The following SLC8A1 variants were observed in gnomAD, a reference collection of about 807,000 sequenced individuals.
The protein encoded by SLC8A1 is sodium/calcium exchanger 1.
A neutral mutation model predicts 68.3 loss-of-function variants in SLC8A1; 18 were observed. The ratio of observed to expected loss-of-function variants is 0.26; its 90% confidence interval spans 0.18 to 0.39. SLC8A1 has a LOEUF of 0.39. SLC8A1 is among the 10% of genes least tolerant of loss of function. The pLI is 1.00. For missense variants in SLC8A1, 985 were observed against 1,156.7 expected (o/e 0.85, Z 2.15); for synonymous variants, 475 against 415.5 (o/e 1.14, Z -1.74).
chr2:40,475,671 AATAT>A (rs1393566014), intron 1 of SLC8A1, among the ~76,000 whole-genome samples: 1 of 152,122 alleles, frequency 6.6e-6, no homozygotes, highest in Admixed American at 6.5e-5. Context: ...TGTTTATGTA[AATAT>A]ATAAATACAT....
chr2:40,209,058 AT>A (rs1344174136), intron 2 of SLC8A1: 1 of 152,140 alleles, frequency 6.6e-6, no homozygotes, highest in Non-Finnish European at 1.5e-5. Context: ...GAAAAAAAAA[AT>A]CCTTGTCCTG....
intron 2 of SLC8A1, among the ~76,000 whole-genome samples, chr2:40,404,567 T>A (rs575355203): frequency 5.3e-5 from 8 of 152,350 alleles, no homozygotes; most frequent in African/African-American, 1.4e-4. Flanking sequence ...ATTAAACTAA[T>A]GAATCATCAT....
At chr2:40,307,324 T>C (rs1420467041) in intron 2 of SLC8A1, among the ~76,000 whole-genome samples, 1 of 152,122 alleles carries the variant, frequency 6.6e-6, no homozygotes, top group Non-Finnish European at 1.5e-5. Flanking sequence ...TTGCATGATA[T>C]GAAGTATCTG....
intron 2 of SLC8A1, among the ~76,000 whole-genome samples, chr2:40,375,745 G>A (rs1191349763): frequency 3.9e-5 from 6 of 152,242 alleles, no homozygotes; most frequent in South Asian, 2.1e-4. Context: ...GCTCACACCT[G>A]TAATCCCAGC....
chr2:40,345,237 A>C (rs764147758), intron 2 of SLC8A1, among the ~76,000 whole-genome samples: 7 of 152,124 alleles, frequency 4.6e-5, no homozygotes, highest in Non-Finnish European at 8.8e-5. Flanking sequence ...AAATTTCACT[A>C]GGGGCCCTGC....
intron 2 of SLC8A1, among the ~76,000 whole-genome samples, chr2:40,261,347 A>G (rs2064674851): frequency 6.6e-6 from 1 of 152,144 alleles, no homozygotes; most frequent in African/African-American, 2.4e-5. Flanking sequence ...TTTCTTGGTT[A>G]TTTTTCCATC....
intron 1 of SLC8A1, among the ~76,000 whole-genome samples, chr2:40,442,771 C>G (rs1283984121): frequency 6.6e-6 from 1 of 152,058 alleles, no homozygotes; most frequent in East Asian, 1.9e-4. Context: ...CCCAAAGGAA[C>G]AGAAATCATT....
intron 2 of SLC8A1, among the ~76,000 whole-genome samples, chr2:40,354,340 G>C (rs1233278390): frequency 6.6e-6 from 1 of 151,556 alleles, no homozygotes; most frequent in Non-Finnish European, 1.5e-5. Context: ...TTCTGCATTT[G>C]GCAGAAGGCA....
At chr2:40,450,661 T>A (rs749481279) in intron 1 of SLC8A1, among the ~76,000 whole-genome samples, 1 of 152,196 alleles carries the variant, frequency 6.6e-6, no homozygotes, top group African/African-American at 2.4e-5. Context: ...CCTTTTTTTC[T>A]CTTTTTAGTC....
exon 8 of SLC8A1, chr2:40,112,788 G>T (rs2034713044): frequency 6.6e-6 from 1 of 152,400 alleles, no homozygotes; most frequent in Non-Finnish European, 1.5e-5. Flanking sequence ...CAGTGATCTG[G>T]ATCACCAACA....
At chr2:40,370,715 G>C (rs925885073) in intron 2 of SLC8A1, among the ~76,000 whole-genome samples, 2 of 152,034 alleles carry the variant, frequency 1.3e-5, no homozygotes, top group Non-Finnish European at 2.9e-5. Context: ...TCTTGAGTCA[G>C]TATCTCATGA....
At chr2:40,242,645 C>A (rs1355360929) in intron 2 of SLC8A1, among the ~76,000 whole-genome samples, 2 of 152,170 alleles carry the variant, frequency 1.3e-5, no homozygotes, top group African/African-American at 4.8e-5. Context: ...GCATCTCTTT[C>A]AACATTTACT....
At chr2:40,463,412 C>T (rs1193290815) in intron 1 of SLC8A1, among the ~76,000 whole-genome samples, 1 of 152,126 alleles carries the variant, frequency 6.6e-6, no homozygotes, top group Non-Finnish European at 1.5e-5. Context: ...TTTGTTTTTC[C>T]TAAGATCAAG....
At position 40,218,236 on chromosome 2, in the gene SLC8A1, AC is replaced by A. The variant is rs1158842044; in HGVS notation, c.1809-40382del. On this transcript the variant is annotated intron_variant, in intron 2 of 7. Coordinates refer to ENST00000406785, the Ensembl canonical transcript of SLC8A1. The stretch of plus-strand genomic sequence containing the variant: ...TAAGGGCACCTGAACTGCTAGGCTT[AC>A]ATAAAAATGTCCCATTTCCTGTTGC... 2.6e-5 allele frequency among the ~76,000 whole-genome samples: 4 copies of A among 152,212 alleles called. No homozygotes were observed. In the East Asian group the frequency reaches 5.8e-4, roughly 22 times the overall value.
At chr2:40,184,898 C>CAAAAA (rs66662572) in intron 2 of SLC8A1, among the ~76,000 whole-genome samples, 128 of 106,434 alleles carry the variant, frequency 1.2e-3, no homozygotes, top group African/African-American at 1.6e-3. Context: ...TAACCAAAAA[C>CAAAAA]AAAAAAAAAA....
intron 2 of SLC8A1, among the ~76,000 whole-genome samples, chr2:40,218,787 T>C (rs2057882275): frequency 6.6e-6 from 1 of 152,150 alleles, no homozygotes; most frequent in Non-Finnish European, 1.5e-5. Flanking sequence ...GTTTCTTCTA[T>C]TTTAGATTTC....
chr2:40,313,087 T>C (rs1203062066), intron 2 of SLC8A1, among the ~76,000 whole-genome samples: 2 of 152,068 alleles, frequency 1.3e-5, no homozygotes, highest in African/African-American at 4.8e-5. Flanking sequence ...CCCAAAGTTC[T>C]CTTCTCTAGC....
exon 2 of SLC8A1, chr2:40,430,136 A>T (rs1188111178): frequency 6.2e-7 from 1 of 1,613,718 alleles, no homozygotes; most frequent in Non-Finnish European, 8.5e-7. Context: ...GATCCAGTAC[A>T]TTCACCAGTT....
chr2:40,175,690 G>A (rs556275062), intron 3 of SLC8A1, among the ~76,000 whole-genome samples: 39 of 151,878 alleles, frequency 2.6e-4, no homozygotes, highest in African/African-American at 9.2e-4. Context: ...ATATTGCCTC[G>A]GATTTGGTCA....
Sources: gnomAD v4.1 joint callset for allele counts (sites outside exome capture counted in the v4.1 genomes callset) on GRCh38, gnomAD v4.1.1 for gene constraint, MANE v1.5 for transcripts, NCBI Gene and HGNC (gene_info 2026-07-23, HGNC 2026-07-21) for gene names.